Variants in TMLHE observed in about 807,000 individuals in gnomAD.
The protein encoded by TMLHE is trimethyllysine hydroxylase, epsilon, also known as trimethyllysine dioxygenase, mitochondrial.
TMLHE carries 18 observed loss-of-function variants against 25.7 expected under a neutral mutation model. That is an observed-to-expected ratio of 0.70 (90% CI 0.48 to 1.04). The LOEUF (loss-of-function observed/expected upper bound fraction) is 1.04, where lower values mean the gene tolerates loss of function less well. Ranked by LOEUF, TMLHE falls within the 50% of genes least tolerant of loss-of-function variation. TMLHE has a pLI of 0.00. For missense variants in TMLHE, 236 were observed against 259.0 expected, an observed-to-expected ratio of 0.91 and a Z score of 0.61; for synonymous variants, 105 against 97.0, an observed-to-expected ratio of 1.08 and a Z score of -0.49.
chrX:155,599,884 T>C (rs1557347030), intron 1 of TMLHE, among the ~76,000 whole-genome samples: 1 of 111,213 alleles, frequency 9.0e-6, no homozygotes. Context: ...TCACAATGAT[T>C]GGAGGGGAAT....
At chrX:155,549,607 T>C (rs782530800) in intron 1 of TMLHE, among the ~76,000 whole-genome samples, 9 of 110,598 alleles carry the variant, frequency 8.1e-5, no homozygotes, top group Admixed American at 2.9e-4. Context: ...TTTTATACAT[T>C]GTTGGATTCA....
At chrX:155,599,132 A>G (rs782313889) in intron 1 of TMLHE, among the ~76,000 whole-genome samples, 60 of 112,033 alleles carry the variant, frequency 5.4e-4, no homozygotes, top group African/African-American at 1.9e-3. Flanking sequence ...GGTCAATAGT[A>G]GGCTATTAGT....
At chrX:155,547,957 C>G (rs781945647) in intron 1 of TMLHE, among the ~76,000 whole-genome samples, 58 of 110,983 alleles carry the variant, frequency 5.2e-4, no homozygotes, top group South Asian at 1.5e-3. Context: ...AAAACAAAGT[C>G]TCTCCTCCCC....
intron 6 of TMLHE, among the ~76,000 whole-genome samples, chrX:155,505,683 G>T (rs1230951421): frequency 9.0e-6 from 1 of 110,629 alleles, no homozygotes; most frequent in Admixed American, 9.6e-5. Context: ...TTTTTCCCTA[G>T]TACTTATCAC....
intron 2 of TMLHE, among the ~76,000 whole-genome samples, chrX:155,529,435 T>C (rs1338684874): frequency 8.9e-6 from 1 of 112,367 alleles, no homozygotes; most frequent in African/African-American, 3.2e-5. Context: ...CTGTTTTCCA[T>C]AATTGGTACA....
chrX:155,574,244 G>A (rs2067576371), intron 1 of TMLHE, among the ~76,000 whole-genome samples: 1 of 106,033 alleles, frequency 9.4e-6, no homozygotes, highest in Non-Finnish European at 1.9e-5. Flanking sequence ...ATCACTGGGG[G>A]TTTGGCAGAC....
intron 2 of TMLHE, among the ~76,000 whole-genome samples, chrX:155,537,630 C>A (rs1188864839): frequency 1.8e-5 from 2 of 110,498 alleles, no homozygotes; most frequent in Non-Finnish European, 3.8e-5. Context: ...TTAATGTCCT[C>A]ACTTACCTCC....
chrX:155,585,414 C>T (rs895781137), intron 1 of TMLHE, among the ~76,000 whole-genome samples: 1 of 44,584 alleles, frequency 2.2e-5, no homozygotes. Context: ...TACACACACA[C>T]AAACACACAC....
chrX:155,582,893 T>C (rs1207605923), intron 1 of TMLHE, among the ~76,000 whole-genome samples: 23 of 112,248 alleles, frequency 2.0e-4, no homozygotes, highest in Admixed American at 9.4e-4. Flanking sequence ...TGCGAAACTA[T>C]TCACAATAGC....
intron 1 of TMLHE, among the ~76,000 whole-genome samples, chrX:155,604,485 G>A (rs1258453380): frequency 2.7e-5 from 3 of 111,576 alleles, no homozygotes; most frequent in African/African-American, 9.8e-5. Context: ...TCTCTGGAGT[G>A]GAGACCCAAA....
At chrX:155,558,116 C>CAT (rs1388492818) in intron 1 of TMLHE, among the ~76,000 whole-genome samples, 2 of 111,854 alleles carry the variant, frequency 1.8e-5, no homozygotes, top group Non-Finnish European at 3.8e-5. Flanking sequence ...ATGCCTTCTA[C>CAT]TACCTGGTTC....
At chrX:155,514,417 G>A (rs2067138778) in intron 3 of TMLHE, 152 bp from the exon 4 acceptor site, 2 of 552,962 alleles carry the variant, frequency 3.6e-6, no homozygotes, top group Admixed American at 4.4e-5. Context: ...TGCCTAGAAT[G>A]TTTCTGAGAA....
At chrX:155,546,196 C>G (rs975298409) in intron 1 of TMLHE, among the ~76,000 whole-genome samples, 3 of 111,340 alleles carry the variant, frequency 2.7e-5, no homozygotes, top group Non-Finnish European at 5.6e-5. Flanking sequence ...ATACTAAGCC[C>G]TACATATGTA....
chrX:155,601,584 G>A (rs5983747), intron 1 of TMLHE, among the ~76,000 whole-genome samples: 148 of 111,822 alleles, frequency 1.3e-3, no homozygotes, highest in African/African-American at 4.7e-3. Flanking sequence ...TAAATGGTAT[G>A]CAAGAAATTA....
chrX:155,559,179 TC>T (rs2067478154), intron 1 of TMLHE, among the ~76,000 whole-genome samples: 1 of 111,420 alleles, frequency 9.0e-6, no homozygotes, highest in Non-Finnish European at 1.9e-5. Context: ...ATTTACCCAT[TC>T]CAGGACACAT....
chrX:155,590,937 G>C (rs1226597690), intron 1 of TMLHE, among the ~76,000 whole-genome samples: 3 of 110,743 alleles, frequency 2.7e-5, no homozygotes, highest in Non-Finnish European at 5.7e-5. Flanking sequence ...TTAAACACTA[G>C]ATGAAAAAAT....
At position 155,557,887 on chromosome X, in the gene TMLHE, C is replaced by G. The variant is rs2067469127; in HGVS notation, c.-1-12610G>C. On this transcript the variant is annotated intron_variant, in intron 1 of 7. Transcript: ENST00000334398. ...TCCCCTAAATGATTCTCAAACTTCA[C>G]CCACCGTAGTGTATCTCTACTTGCC... Among the ~76,000 whole-genome samples the G allele has an allele frequency of 8.1e-5, 9 of 111,738 alleles. No homozygotes were observed. The South Asian group carries it at 3.0e-3, about 37-fold the overall frequency.
intron 2 of TMLHE, among the ~76,000 whole-genome samples, chrX:155,528,258 T>C (rs1309739542): frequency 9.1e-6 from 1 of 110,326 alleles, no homozygotes; most frequent in African/African-American, 3.3e-5. Context: ...AAAATGTGCA[T>C]ATTTGACCTA....
At position 155,598,136 on chromosome X, in the gene TMLHE, G is replaced by T. The variant is rs782640016; in HGVS notation, c.-2+14656C>A. ...AAGAGCTAATAGATACCATGCCACA[G>T]GAATTTTAAAATTTTAAAATGACGA... On this transcript the variant is annotated intron_variant, in intron 1 of 7. Transcript: ENST00000334398. Among the ~76,000 whole-genome samples, 6 of 111,895 alleles carry T rather than the reference G, an allele frequency of 5.4e-5. 1 individual carries two copies. In the South Asian group the frequency reaches 2.2e-3, roughly 42 times the overall value.
Sources: allele counts gnomAD v4.1 joint callset (sites outside exome capture counted in the v4.1 genomes callset), GRCh38; gene constraint gnomAD v4.1.1; transcripts MANE v1.5; gene names NCBI Gene and HGNC (gene_info 2026-07-23, HGNC 2026-07-21).